The following EHBP1 variants were observed in gnomAD, a reference collection of about 807,000 sequenced individuals.
EHBP1 encodes EH domain-binding protein 1.
EHBP1 carries 55 observed loss-of-function variants against 144.0 expected under a neutral mutation model. The observed-to-expected ratio is 0.38, with a 90% CI of 0.31 to 0.48. The LOEUF (loss-of-function observed/expected upper bound fraction) is 0.48, where lower values mean the gene tolerates loss of function less well. EHBP1 is among the 20% of genes least tolerant of loss of function. EHBP1 has a pLI of 0.98. For missense variants in EHBP1, 1,200 were observed against 1,364.2 expected, an observed-to-expected ratio of 0.88 and a Z score of 1.90; for synonymous variants, 469 against 472.7, an observed-to-expected ratio of 0.99 and a Z score of 0.10.
chr2:62,842,068 A>C (rs1199834127), intron 7 of EHBP1, among the ~76,000 whole-genome samples: 6 of 152,004 alleles, frequency 3.9e-5, no homozygotes, highest in African/African-American at 7.2e-5. Flanking sequence ...ACAAGGGACC[A>C]AGGGACAAAC....
At chr2:62,701,871 GA>G (rs769253957), upstream of EHBP1, among the ~76,000 whole-genome samples, 843 of 148,030 alleles carry the variant, frequency 5.7e-3, 11 homozygotes, top group South Asian at 0.033. Flanking sequence ...ATGGTAACTG[GA>G]AAAAAAAAAT....
intron 19 of EHBP1, among the ~76,000 whole-genome samples, chr2:62,999,125 C>T (rs1332915564): frequency 6.6e-6 from 1 of 152,074 alleles, no homozygotes; most frequent in Admixed American, 6.6e-5. Flanking sequence ...GAGACTGAGG[C>T]TCAGACAGGG....
chr2:62,849,561 CATT>C (rs1322535129), intron 7 of EHBP1, among the ~76,000 whole-genome samples: 2 of 152,014 alleles, frequency 1.3e-5, no homozygotes, highest in Non-Finnish European at 1.5e-5. Context: ...ATAAATGAAA[CATT>C]ATAGATACAT....
At position 62,719,385 on chromosome 2, in the gene EHBP1, T is replaced by G. The variant is rs2035991115; in HGVS notation, c.104+12090T>G. Among the ~76,000 whole-genome samples the G allele has an allele frequency of 2.0e-5, 3 of 152,218 alleles. No individual in the cohort carries two copies. The South Asian group carries it at 6.2e-4, about 31-fold the overall frequency. Reference sequence around the variant, plus strand: ...TTTTTTTCTCTGAAGCATGTCTTAATTCTCACGTTGATTTTTCTATTCCAT... The same window carrying G: ...TTTTTTTCTCTGAAGCATGTCTTAAGTCTCACGTTGATTTTTCTATTCCAT... On this transcript the variant is annotated intron_variant, in intron 2 of 22. Transcript: ENST00000431489.
intron 21 of EHBP1, chr2:63,043,881 T>C (rs1357189171): frequency 1.4e-5 from 2 of 138,894 alleles, no homozygotes; most frequent in Non-Finnish European, 3.0e-5. Context: ...AAAGTGCATT[T>C]GCTGGGGGAG....
At chr2:62,992,850 A>G (rs1237562078) in intron 16 of EHBP1, among the ~76,000 whole-genome samples, 1 of 152,140 alleles carries the variant, frequency 6.6e-6, no homozygotes, top group Admixed American at 6.6e-5. Context: ...GCCTTTCCCT[A>G]TTTACTTTCA....
At position 63,042,379 on chromosome 2, in the gene EHBP1, G is replaced by A. The variant is rs140576997; in HGVS notation, c.3278-2687G>A. On this transcript the variant is annotated intron_variant, in intron 21 of 22. Coordinates refer to ENST00000431489, the MANE Select transcript of EHBP1 (RefSeq NM_001142616.3). ...TTATTCCCATTATGAGAAAACAAACGTGAAGTAAAAGTATAGTTTGCTAAT... is the reference window on the plus strand; with the variant it reads ...TTATTCCCATTATGAGAAAACAAACATGAAGTAAAAGTATAGTTTGCTAAT... Among the ~76,000 whole-genome samples the A allele has an allele frequency of 8.8e-4, 134 of 152,104 alleles. 2 individuals carry two copies. The highest frequency in any genetic ancestry group is 2.9e-3 in the African/African-American group (120 of 41,542).
At position 62,979,227 on chromosome 2, in the gene EHBP1, G is replaced by T; in HGVS notation, c.2500G>T (p.Ala834Ser). 2 of 1,613,706 alleles carry T rather than the reference G, an allele frequency of 1.2e-6. No homozygotes were observed. The highest frequency in any genetic ancestry group is 2.2e-5 in the East Asian group (1 of 44,836). Residue 834 changes from alanine (A) to serine (S), a missense_variant, in exon 15 of 23, where the codon GCT becomes TCT. By Grantham distance (99) the Ala-to-Ser change is moderately conservative. Transcript: ENST00000431489. ...EERRRQLRER[A>S]RQLIAEARSG... is the part of the protein sequence containing the mutation. ...GCGACGTCGGCAGCTGAGAGAGAGAGCTCGTCAGCTAATAGCAGAAGCTCG... is the reference window on the plus strand; with the variant it reads ...GCGACGTCGGCAGCTGAGAGAGAGATCTCGTCAGCTAATAGCAGAAGCTCG...
chr2:62,713,685 T>C (rs911728121), intron 2 of EHBP1, among the ~76,000 whole-genome samples: 4 of 152,234 alleles, frequency 2.6e-5, no homozygotes, highest in African/African-American at 9.6e-5. Context: ...GTACTTTCTA[T>C]GTTGCAAGTT....
chr2:62,960,640 G>A (rs986128349), intron 14 of EHBP1, among the ~76,000 whole-genome samples: 2 of 152,088 alleles, frequency 1.3e-5, no homozygotes, highest in Non-Finnish European at 2.9e-5. Context: ...ATAAATGAAG[G>A]GAATAGTGAC....
chr2:62,696,046 A>C (rs2034075803), intron 1 of EHBP1, among the ~76,000 whole-genome samples: 1 of 152,200 alleles, frequency 6.6e-6, no homozygotes, highest in Admixed American at 6.5e-5. Context: ...AAAAATACAA[A>C]GGAAATTAAA....
At chr2:63,003,956 A>G (rs969771759) in intron 19 of EHBP1, among the ~76,000 whole-genome samples, 67 of 152,226 alleles carry the variant, frequency 4.4e-4, no homozygotes, top group African/African-American at 1.6e-3. Context: ...CTGTTAAAGC[A>G]TTGTAGTCTT....
chr2:62,996,506 A>C, intron 18 of EHBP1, 137 bp from the exon 19 acceptor site: 1 of 999,204 alleles, frequency 1.0e-6, no homozygotes, highest in Non-Finnish European at 1.5e-6. Context: ...AATCACAGAG[A>C]GTTGCTTTTT....
intron 21 of EHBP1, chr2:63,043,999 C>A (rs769834427): frequency 9.4e-6 from 1 of 106,262 alleles, no homozygotes; most frequent in Non-Finnish European, 1.8e-5. Context: ...CCCTCTAGGT[C>A]CTCATTTGTT....
At chr2:62,790,187 C>T (rs1391229367) in intron 5 of EHBP1, among the ~76,000 whole-genome samples, 1 of 152,142 alleles carries the variant, frequency 6.6e-6, no homozygotes, top group African/African-American at 2.4e-5. Flanking sequence ...GAAACTAGTC[C>T]TTGGCTTGAT....
At chr2:62,904,159 G>C (rs1386507436) in intron 10 of EHBP1, among the ~76,000 whole-genome samples, 1 of 152,188 alleles carries the variant, frequency 6.6e-6, no homozygotes, top group Admixed American at 6.5e-5. Flanking sequence ...TGGAACTTTA[G>C]AGAAAGGAAA....
At chr2:62,759,095 C>G (rs2040547805) in intron 3 of EHBP1, among the ~76,000 whole-genome samples, 1 of 151,962 alleles carries the variant, frequency 6.6e-6, no homozygotes, top group African/African-American at 2.4e-5. Context: ...ATAGAGTCAC[C>G]CAAAATTGAG....
intron 10 of EHBP1, among the ~76,000 whole-genome samples, chr2:62,901,668 A>G (rs989293738): frequency 3.3e-5 from 5 of 152,068 alleles, no homozygotes; most frequent in African/African-American, 1.2e-4. Context: ...GTTTAAAAAA[A>G]AAAAAGAAAA....
At chr2:62,830,423 A>T (rs1027326886) in intron 6 of EHBP1, among the ~76,000 whole-genome samples, 1 of 152,000 alleles carries the variant, frequency 6.6e-6, no homozygotes, top group Non-Finnish European at 1.5e-5. Context: ...ATGAGCCACC[A>T]TGCCCGGCAC....
Sources: allele counts gnomAD v4.1 joint callset (sites outside exome capture counted in the v4.1 genomes callset), GRCh38; gene constraint gnomAD v4.1.1; transcripts MANE v1.5; gene names NCBI Gene and HGNC (gene_info 2026-07-23, HGNC 2026-07-21).